ACTR10: variants seen among roughly 807,000 people sequenced by gnomAD.
The protein encoded by ACTR10 is actin related protein 10.
A neutral mutation model predicts 56.2 loss-of-function variants in ACTR10; 43 were observed. The observed-to-expected ratio is 0.77, with a 90% CI of 0.60 to 0.99. The LOEUF (loss-of-function observed/expected upper bound fraction) is 0.99. ACTR10 is among the 50% of genes least tolerant of loss of function. The probability of loss-of-function intolerance (pLI) is 0.00; values close to 1 mark genes in which losing one functional copy is unlikely to be tolerated. For missense variants in ACTR10, 466 were observed against 507.8 expected, an observed-to-expected ratio of 0.92 and a Z score of 0.79; for synonymous variants, 170 against 176.3, an observed-to-expected ratio of 0.96 and a Z score of 0.28.
intron 10 of ACTR10, among the ~76,000 whole-genome samples, chr14:58,224,186 G>C (rs974622486): frequency 2.6e-5 from 4 of 151,892 alleles, no homozygotes; most frequent in Non-Finnish European, 5.9e-5. Flanking sequence ...TTTTTTAGTA[G>C]AGACAGGTTT....
intron 8 of ACTR10, among the ~76,000 whole-genome samples, chr14:58,221,280 T>TAA (rs35943337): frequency 5.8e-4 from 63 of 108,276 alleles, no homozygotes; most frequent in Admixed American, 2.1e-3. Context: ...AGACTCTGTC[T>TAA]AAAAAAAAAA....
At chr14:58,207,464 A>G (rs901777218) in intron 2 of ACTR10, among the ~76,000 whole-genome samples, 1 of 151,984 alleles carries the variant, frequency 6.6e-6, no homozygotes, top group South Asian at 2.1e-4. Context: ...AGCTGGGACT[A>G]TAGGCACACA....
At chr14:58,220,817 A>G (rs946647634) in intron 8 of ACTR10, among the ~76,000 whole-genome samples, 8 of 152,198 alleles carry the variant, frequency 5.3e-5, no homozygotes, top group Non-Finnish European at 8.8e-5. Context: ...TGAAAATTCA[A>G]AGTGTTGTAT....
intron 6 of ACTR10, 61 bp downstream of exon 6, chr14:58,213,759 T>C (rs1237677734): frequency 7.4e-7 from 1 of 1,354,326 alleles, no homozygotes; most frequent in East Asian, 2.3e-5. Flanking sequence ...GTTGCTAATC[T>C]GTTTGTTGAT....
At chr14:58,213,741 CA>C in intron 6 of ACTR10, 43 bp downstream of exon 6, 1 of 1,475,480 alleles carries the variant, frequency 6.8e-7, no homozygotes, top group Non-Finnish European at 9.4e-7. Flanking sequence ...ACCTGTGCCA[CA>C]AAAACAGTTG....
chr14:58,232,334 G>A, intron 12 of ACTR10, 67 bp downstream of exon 12: 1 of 1,141,168 alleles, frequency 8.8e-7, no homozygotes, highest in Non-Finnish European at 1.2e-6. Context: ...ACTATTAATG[G>A]ATATATTAGA....
intron 8 of ACTR10, among the ~76,000 whole-genome samples, chr14:58,221,364 C>A (rs1266593806): frequency 1.3e-5 from 2 of 151,184 alleles, no homozygotes; most frequent in African/African-American, 4.9e-5. Context: ...GAGGCCAAGG[C>A]AGGTGAATCA....
chr14:58,233,280 G>A (rs558989022), intron 12 of ACTR10, among the ~76,000 whole-genome samples: 2 of 152,138 alleles, frequency 1.3e-5, no homozygotes, highest in Non-Finnish European at 2.9e-5. Context: ...TTCATTAAAT[G>A]TTTTAAGTAG....
chr14:58,207,820 A>G (rs1888903343), intron 2 of ACTR10, 116 bp from the exon 3 acceptor site: 1 of 584,252 alleles, frequency 1.7e-6, no homozygotes, highest in Non-Finnish European at 2.5e-6. Context: ...TATATTCTCA[A>G]TACAGATTGC....
chr14:58,234,813 T>C lies in ACTR10; in HGVS notation c.*262T>C, dbSNP rs1889638881. ...GCAGTTTGATTTTGGAAGTTTGTTA[T>C]GTGGCTTTTTTTTTTTTTTTTTTTT... On this transcript the variant is annotated 3_prime_UTR_variant, in exon 13 of 13. Coordinates refer to ENST00000254286, the MANE Select transcript of ACTR10 (RefSeq NM_018477.3). The C allele has an allele frequency of 4.3e-6, 1 of 231,352 alleles. No homozygotes were observed. Among genetic ancestry groups the C allele is most frequent in the Non-Finnish European group, 8.0e-6 (1 of 124,306 alleles). The allele number at this position is 231,352 out of a possible 1,614,324, so 14.3% of individuals were successfully genotyped here. A position where few individuals can be genotyped will look rare whatever the true frequency, so the allele number is the denominator to read the frequency against.
At chr14:58,223,036 T>A (rs2140058063) in intron 8 of ACTR10, among the ~76,000 whole-genome samples, 1 of 152,234 alleles carries the variant, frequency 6.6e-6, no homozygotes, top group South Asian at 2.1e-4. Flanking sequence ...TCCTCAAAGG[T>A]GATTTTTTTT....
In ACTR10 at chr14:58,202,228, T is replaced by C. The variant is rs553525286; in HGVS notation, c.78-627T>C. On this transcript the variant is annotated intron_variant, in intron 1 of 12. Coordinates refer to ENST00000254286, the MANE Select transcript of ACTR10 (RefSeq NM_018477.3). ...GAATTATATGAATGAAGTCACATAA[T>C]GTAGTACAGATTCAGAGTTGTAGAT... 2.0e-5 allele frequency among the ~76,000 whole-genome samples: 3 copies of C among 152,204 alleles called. No homozygotes were observed. The South Asian group carries it at 6.2e-4, about 32-fold the overall frequency.
At chr14:58,233,203 C>T (rs576080465) in intron 12 of ACTR10, among the ~76,000 whole-genome samples, 16 of 152,128 alleles carry the variant, frequency 1.1e-4, no homozygotes, top group Non-Finnish European at 2.2e-4. Context: ...ATTTTAATGT[C>T]TTCTAAAGCT....
intron 6 of ACTR10, among the ~76,000 whole-genome samples, chr14:58,214,134 A>G (rs1382663067): frequency 1.3e-5 from 2 of 152,128 alleles, no homozygotes; most frequent in Admixed American, 6.5e-5. Flanking sequence ...TTTTGTACCC[A>G]TTAATTATCC....
chr14:58,210,698 A>T (rs1229537509), intron 4 of ACTR10, among the ~76,000 whole-genome samples: 1 of 142,434 alleles, frequency 7.0e-6, no homozygotes, highest in African/African-American at 2.6e-5. Context: ...TTTTTGAGAC[A>T]GAGTCTTGCT....
At chr14:58,208,352 T>C (rs1888916136) in intron 3 of ACTR10, among the ~76,000 whole-genome samples, 2 of 152,024 alleles carry the variant, frequency 1.3e-5, no homozygotes, top group African/African-American at 4.8e-5. Flanking sequence ...TATTGATAAG[T>C]GAAATAAGCA....
At position 58,211,297 on chromosome 14, in the gene ACTR10, A is replaced by G. The variant is rs762003037; in HGVS notation, c.348A>G (p.Pro116=). The change falls in exon 5 of 13, where the codon CCA becomes CCG. Residue 116 remains proline (P), a synonymous_variant. Coordinates refer to ENST00000254286, the MANE Select transcript of ACTR10 (RefSeq NM_018477.3). ...TRVLFKYFEV[P]SVLLAPSHLM... ...TTGATTTTGTTATTTTCTAGGTTCCATCTGTCTTGCTTGCTCCAAGTCATC... is the reference window on the plus strand; with the variant it reads ...TTGATTTTGTTATTTTCTAGGTTCCGTCTGTCTTGCTTGCTCCAAGTCATC... 5.0e-6 allele frequency: 8 copies of G among 1,611,734 alleles called. No homozygotes were observed. In the South Asian group the frequency reaches 5.5e-5, roughly 11 times the overall value.
chr14:58,234,813 T>G lies in ACTR10; in HGVS notation c.*262T>G. 1 of 231,460 alleles carries G rather than the reference T, an allele frequency of 4.3e-6. No homozygotes were observed. 14.3% of individuals were successfully genotyped at this position (231,460 alleles called of 1,614,324 possible). A position where few individuals can be genotyped will look rare whatever the true frequency, so the allele number is the denominator to read the frequency against. On this transcript the variant is annotated 3_prime_UTR_variant, in exon 13 of 13. Transcript: ENST00000254286. ...GCAGTTTGATTTTGGAAGTTTGTTA[T>G]GTGGCTTTTTTTTTTTTTTTTTTTT...
chr14:58,223,173 G>A (rs1324899857), intron 8 of ACTR10, among the ~76,000 whole-genome samples: 1 of 151,896 alleles, frequency 6.6e-6, no homozygotes, highest in African/African-American at 2.4e-5. Context: ...TTTCACTTTT[G>A]TTGCCCAGGC....
Sources: gnomAD v4.1 joint callset for allele counts (sites outside exome capture counted in the v4.1 genomes callset) on GRCh38, gnomAD v4.1.1 for gene constraint, MANE v1.5 for transcripts, NCBI Gene and HGNC (gene_info 2026-07-23, HGNC 2026-07-21) for gene names.